LRRC4C: variants seen among roughly 807,000 people sequenced by gnomAD.
LRRC4C encodes leucine rich repeat containing 4C.
In LRRC4C, 5 loss-of-function variants were observed where a neutral mutation model predicts 33.6. The observed-to-expected ratio is 0.15, with a 90% CI of 0.08 to 0.31. LRRC4C has a LOEUF of 0.31. Among genes scored for constraint, LRRC4C ranks in the 10% least tolerant of loss-of-function variants. LRRC4C has a pLI of 1.00. For synonymous variants in LRRC4C, 329 were observed against 302.0 expected, an observed-to-expected ratio of 1.09 and a Z score of -0.93; for missense variants, 560 against 796.7, an observed-to-expected ratio of 0.70 and a Z score of 3.58.
chr11:40,552,132 C>A (rs965520839), intron 3 of LRRC4C, among the ~76,000 whole-genome samples: 1 of 152,196 alleles, frequency 6.6e-6, no homozygotes, highest in Non-Finnish European at 1.5e-5. Context: ...ACTTCTCAGT[C>A]CCCACAAACA....
At chr11:40,882,245 T>C (rs1291609136) in intron 2 of LRRC4C, among the ~76,000 whole-genome samples, 1 of 152,118 alleles carries the variant, frequency 6.6e-6, no homozygotes, top group Non-Finnish European at 1.5e-5. Context: ...CTCATGTTAT[T>C]TCTAGCTTAA....
chr11:40,860,309 C>A (rs1954022345), intron 2 of LRRC4C, among the ~76,000 whole-genome samples: 1 of 151,956 alleles, frequency 6.6e-6, no homozygotes, highest in Non-Finnish European at 1.5e-5. Flanking sequence ...GGGCTGCCAT[C>A]ATAAATTACC....
chr11:41,412,467 T>C (rs1332145594), intron 1 of LRRC4C, among the ~76,000 whole-genome samples: 1 of 152,230 alleles, frequency 6.6e-6, no homozygotes, highest in Non-Finnish European at 1.5e-5. Flanking sequence ...AGTGAAGATA[T>C]ACTCTACTAT....
chr11:40,227,538 G>A (rs181372111), intron 5 of LRRC4C, among the ~76,000 whole-genome samples: 1 of 152,268 alleles, frequency 6.6e-6, no homozygotes, highest in East Asian at 1.9e-4. Context: ...GTTTCTGAGA[G>A]GGGAGGAGGG....
Position 40,542,875 on chromosome 11 carries a change from G to A in LRRC4C, c.-270+105267C>T, listed in dbSNP as rs540313138. Among the ~76,000 whole-genome samples, 12 of 152,194 alleles carry A rather than the reference G, an allele frequency of 7.9e-5. No homozygotes were observed. The South Asian group carries it at 2.5e-3, about 32-fold the overall frequency. ...ATTGACTGTTTTTGCTTTTGTGAATGTTTTTACATGCTTATGAGTTAAGGC... is the reference window on the plus strand; with the variant it reads ...ATTGACTGTTTTTGCTTTTGTGAATATTTTTACATGCTTATGAGTTAAGGC... On this transcript the variant is annotated intron_variant, in intron 3 of 6. Transcript: ENST00000528697.
chr11:40,823,313 G>A (rs1166641077), intron 2 of LRRC4C, among the ~76,000 whole-genome samples: 1 of 151,524 alleles, frequency 6.6e-6, no homozygotes, highest in Non-Finnish European at 1.5e-5. Context: ...CCCAATCAAT[G>A]AGAGAAAAAA....
chr11:41,039,627 G>T (rs1329376665), intron 1 of LRRC4C, among the ~76,000 whole-genome samples: 4 of 152,108 alleles, frequency 2.6e-5, no homozygotes, highest in African/African-American at 7.2e-5. Flanking sequence ...AAGAAATTTT[G>T]CATTTAAACA....
At chr11:41,431,084 C>G (rs1955217092) in intron 1 of LRRC4C, among the ~76,000 whole-genome samples, 1 of 151,944 alleles carries the variant, frequency 6.6e-6, no homozygotes, top group Non-Finnish European at 1.5e-5. Context: ...ATTTGTATAT[C>G]CACATATTTA....
At chr11:41,243,614 T>C (rs772057134) in intron 1 of LRRC4C, among the ~76,000 whole-genome samples, 29 of 152,280 alleles carry the variant, frequency 1.9e-4, no homozygotes, top group Admixed American at 9.2e-4. Context: ...TGGGAACCTG[T>C]CTTTCTAAAC....
intron 2 of LRRC4C, among the ~76,000 whole-genome samples, chr11:40,660,185 C>G (rs571739043): frequency 1.3e-5 from 2 of 152,350 alleles, no homozygotes; most frequent in Admixed American, 1.3e-4. Context: ...GCACCTGGAG[C>G]TGCCTGCCCC....
chr11:41,003,732 T>C (rs535689447), intron 1 of LRRC4C, among the ~76,000 whole-genome samples: 1 of 151,680 alleles, frequency 6.6e-6, no homozygotes, highest in Non-Finnish European at 1.5e-5. Context: ...ATAAATACTT[T>C]AGAGTATTAT....
intron 1 of LRRC4C, among the ~76,000 whole-genome samples, chr11:41,319,901 TA>T (rs1365819321): frequency 2.6e-5 from 4 of 152,186 alleles, no homozygotes; most frequent in Non-Finnish European, 5.9e-5. Flanking sequence ...GATATATGTT[TA>T]AATGCATGGA....
chr11:40,428,076 A>G (rs546399699), intron 3 of LRRC4C, among the ~76,000 whole-genome samples: 1 of 152,192 alleles, frequency 6.6e-6, no homozygotes, highest in East Asian at 1.9e-4. Flanking sequence ...CTAAAAAATA[A>G]AATTCAAGTT....
At chr11:41,302,961 C>T (rs1013948957) in intron 1 of LRRC4C, among the ~76,000 whole-genome samples, 19 of 152,166 alleles carry the variant, frequency 1.2e-4, no homozygotes, top group African/African-American at 4.6e-4. Context: ...CAAGTCATAA[C>T]GGAGCCTGAG....
At chr11:40,551,651 T>C (rs1040686997) in intron 3 of LRRC4C, among the ~76,000 whole-genome samples, 2 of 152,230 alleles carry the variant, frequency 1.3e-5, no homozygotes, top group Non-Finnish European at 2.9e-5. Flanking sequence ...GCTTCTCACA[T>C]TGTAAATTAC....
At position 40,578,152 on chromosome 11, in the gene LRRC4C, T is replaced by TTTTTTTTTTTTTTTTTTTTTTTTTTTTTC. The variant is rs1958296605; in HGVS notation, c.-270+69989_-270+69990insGAAAAAAAAAAAAAAAAAAAAAAAAAAAA. 2.3e-5 allele frequency among the ~76,000 whole-genome samples: 2 copies of TTTTTTTTTTTTTTTTTTTTTTTTTTTTTC among 86,020 alleles called. 1 individual carries two copies. The highest frequency in any genetic ancestry group is 5.4e-5 in the Non-Finnish European group (2 of 37,256). The allele number at this position is 86,020 out of a possible 152,430, so 56.4% of individuals were successfully genotyped here. Reference sequence around the variant, plus strand: ...ACTTTTTTTTTTCGGTTTTTTTTTTTTTTTTTTTTTTTTTTTTTGCCTCTT... The same window carrying TTTTTTTTTTTTTTTTTTTTTTTTTTTTTC: ...ACTTTTTTTTTTCGGTTTTTTTTTTTTTTTTTTTTTTTTTTTTTTTTTTTTTTTCTTTTTTTTTTTTTTTTTTGCCTCTT... On this transcript the variant is annotated intron_variant, in intron 3 of 6. Coordinates refer to ENST00000528697, the MANE Select transcript of LRRC4C (RefSeq NM_001258419.2).
intron 2 of LRRC4C, among the ~76,000 whole-genome samples, chr11:40,750,816 A>G (rs981718121): frequency 4.0e-5 from 6 of 150,620 alleles, no homozygotes; most frequent in Non-Finnish European, 5.9e-5. Flanking sequence ...AAGAAAAAAA[A>G]AAAAAGAAAA....
chr11:40,646,181 G>A (rs1177451786), intron 3 of LRRC4C, among the ~76,000 whole-genome samples: 3 of 152,254 alleles, frequency 2.0e-5, no homozygotes, highest in African/African-American at 4.8e-5. Flanking sequence ...AGCTGTTAAA[G>A]GGAAAGCAGC....
chr11:40,375,822 T>C (rs527798032), intron 3 of LRRC4C, among the ~76,000 whole-genome samples: 1 of 152,274 alleles, frequency 6.6e-6, no homozygotes, highest in African/African-American at 2.4e-5. Context: ...GTCACGTGCT[T>C]AATCTCTACA....
Sources: gnomAD v4.1 joint callset for allele counts (sites outside exome capture counted in the v4.1 genomes callset) on GRCh38, gnomAD v4.1.1 for gene constraint, MANE v1.5 for transcripts, NCBI Gene and HGNC (gene_info 2026-07-23, HGNC 2026-07-21) for gene names.